FBXO30: variants seen among roughly 807,000 people sequenced by gnomAD.
FBXO30 encodes F-box protein 30.
In FBXO30, 21 loss-of-function variants were observed where a neutral mutation model predicts 58.1. The observed-to-expected ratio is 0.36, with a 90% CI of 0.26 to 0.52. FBXO30 has a LOEUF of 0.52. Among genes scored for constraint, FBXO30 ranks in the 20% least tolerant of loss-of-function variants. The probability of loss-of-function intolerance (pLI) is 0.93; values close to 1 mark genes in which losing one functional copy is unlikely to be tolerated. For missense variants in FBXO30, 744 were observed against 897.3 expected, an observed-to-expected ratio of 0.83 and a Z score of 2.18; for synonymous variants, 309 against 312.4, an observed-to-expected ratio of 0.99 and a Z score of 0.11.
chr6:145,805,115 G>A lies in FBXO30; in HGVS notation c.1291C>T (p.Leu431Phe). ...QGIDLITAAL[L>F]FCLGDSPGGR... is the part of the protein sequence containing the mutation. ...CCTGGAGAATCTCCTAGACAAAAAA[G>A]CAATGCTGCTGTGATCAGATCTATT... is the stretch of plus-strand genomic sequence containing the variant. Residue 431 changes from leucine to phenylalanine, a missense_variant, in exon 2 of 3, where the codon CTT becomes TTT. Around this residue, in one of 3 missense-constraint regions of FBXO30, gnomAD observed 334 missense variants for 433.7 expected, o/e 0.77. Transcript: ENST00000237281. The A allele has an allele frequency of 1.2e-6, 2 of 1,614,056 alleles. No individual in the cohort carries two copies. Among genetic ancestry groups the A allele is most frequent in the Non-Finnish European group, 1.7e-6 (2 of 1,179,948 alleles).
At chr6:145,813,618 C>G (rs6940256) in intron 1 of FBXO30, among the ~76,000 whole-genome samples, 11,650 of 152,192 alleles carry the variant, frequency 0.077, 1,521 homozygotes, top group African/African-American at 0.26. Flanking sequence ...TTCCATAGGT[C>G]TCTAAAGAAC....
rs1777859643 is a variant in FBXO30 at position 145,795,926 on chromosome 6, C to G, written c.*4180G>C. 1 of 151,866 alleles carries G rather than the reference C, an allele frequency of 6.6e-6. No individual in the cohort carries two copies. Among genetic ancestry groups the G allele is most frequent in the Non-Finnish European group, 1.5e-5 (1 of 67,820 alleles). The allele number at this position is 151,866 out of a possible 1,614,324, so 9.4% of individuals were successfully genotyped here. A position where few individuals can be genotyped will look rare whatever the true frequency, so the allele number is the denominator to read the frequency against. ...CATTTCGCAAAGATTTTCAGAGCAA[C>G]ATATCACACTTGGTTAGTTAGTTTC... On this transcript the variant is annotated 3_prime_UTR_variant, in exon 3 of 3. Coordinates refer to ENST00000237281, the MANE Select transcript of FBXO30 (RefSeq NM_032145.5).
At chr6:145,812,136 T>G (rs2128668482) in intron 1 of FBXO30, among the ~76,000 whole-genome samples, 1 of 152,330 alleles carries the variant, frequency 6.6e-6, no homozygotes, top group South Asian at 2.1e-4. Context: ...GTACATTCTT[T>G]TATTAAACTT....
chr6:145,804,922 G>A lies in FBXO30; in HGVS notation c.1484C>T (p.Pro495Leu), dbSNP rs766036145. Residue 495 changes from proline (P) to leucine (L), a missense_variant, in exon 2 of 3, where the codon CCG (proline) becomes CTG (leucine). By Grantham distance (98) the Pro-to-Leu change is moderately conservative. Coordinates refer to ENST00000237281, the MANE Select transcript of FBXO30 (RefSeq NM_032145.5). ...TAAATCCAGCCCAAGTGTCTGAAAC[G>A]GACTTGGATTTGAAAGCTGTGGATT... The part of the protein sequence containing the change: ...HANPQLSNPS[P>L]FQTLGLDLVL... The A allele has an allele frequency of 1.7e-5, 28 of 1,613,740 alleles. No homozygotes were observed. The highest frequency in any genetic ancestry group is 2.2e-5 in the South Asian group (2 of 91,076).
At chr6:145,810,591 A>T (rs1349763379) in intron 1 of FBXO30, among the ~76,000 whole-genome samples, 4 of 152,218 alleles carry the variant, frequency 2.6e-5, no homozygotes, top group African/African-American at 9.6e-5. Context: ...TTTCTCTGAG[A>T]GAAGTTCTTT....
Position 145,806,255 on chromosome 6 carries a change from G to GAA in FBXO30, c.150_151insTT (p.Leu51PhefsTer12), listed in dbSNP as rs1562245946. On this transcript the variant is annotated frameshift_variant, in exon 2 of 3. Transcript: ENST00000237281. LOFTEE classifies it high-confidence loss of function. ...GGCACTCGTTCAAATGGACATAAAA[G>GAA]TCGATGCTCATCAGCTTTACAAGAA... 1 of 1,613,928 alleles carries GAA rather than the reference G, an allele frequency of 6.2e-7. No homozygotes were observed. The highest frequency in any genetic ancestry group is 1.3e-5 in the African/African-American group (1 of 74,884).
chr6:145,800,112 T>C lies in FBXO30; in HGVS notation c.2232A>G (p.Val744=). ...GCTAGTAATATTACAACTTTTAAAG[T>C]ACAGGTTTTAAAACTGAGCGTAGTG... ...GRSLRSVLKP[V]L is the part of the protein sequence containing the mutation. Residue 744 remains valine, a synonymous_variant, in exon 3 of 3, where the codon GTA becomes GTG. Transcript: ENST00000237281. 6.2e-7 allele frequency: 1 copy of C among 1,611,212 alleles called. No homozygotes were observed. Among genetic ancestry groups the C allele is most frequent in the Non-Finnish European group, 8.5e-7 (1 of 1,177,816 alleles).
intron 1 of FBXO30, among the ~76,000 whole-genome samples, chr6:145,812,953 C>G (rs1015872437): frequency 1.3e-5 from 2 of 152,092 alleles, no homozygotes; most frequent in Admixed American, 1.3e-4. Flanking sequence ...TGTACTAACT[C>G]CTTCTATCAA....
rs1777913716 is a variant in FBXO30 at position 145,798,642 on chromosome 6, GCT to G, written c.*1462_*1463del. ...GCAAAACAATTGATTAGTCTTTAATGCTCTGTTTTTCAACTGTACTAAGGACT... is the reference window on the plus strand; with the variant it reads ...GCAAAACAATTGATTAGTCTTTAATGCTGTTTTTCAACTGTACTAAGGACT... On this transcript the variant is annotated 3_prime_UTR_variant, in exon 3 of 3. Transcript: ENST00000237281. 2 of 152,410 alleles carry G rather than the reference GCT, an allele frequency of 1.3e-5. No individual in the cohort carries two copies. The highest frequency in any genetic ancestry group is 2.9e-5 in the Non-Finnish European group (2 of 67,954). The allele number at this position is 152,410 out of a possible 1,614,324, so 9.4% of individuals were successfully genotyped here. A position where few individuals can be genotyped will look rare whatever the true frequency, so the allele number is the denominator to read the frequency against.
intron 1 of FBXO30, among the ~76,000 whole-genome samples, chr6:145,812,820 C>T (rs556297555): frequency 6.6e-6 from 1 of 152,248 alleles, no homozygotes; most frequent in South Asian, 2.1e-4. Context: ...AATATAGAAG[C>T]AACTTGTCTA....
Position 145,805,705 on chromosome 6 carries a change from T to C in FBXO30, c.701A>G (p.Lys234Arg), listed in dbSNP as rs1778145637. ...CTCCTCATAAAGATGATCTTGGTCT[T>C]TCAAGTTTTGATCCTCTAAGCTTTC... is the stretch of plus-strand genomic sequence containing the variant. ...ARESLEDQNL[K>R]DQDHLYEEEI... The change falls in exon 2 of 3, where the codon AAA (lysine) becomes AGA (arginine). Residue 234 changes from lysine (K) to arginine (R), a missense_variant. Around this residue, in one of 3 missense-constraint regions of FBXO30, gnomAD observed 275 missense variants for 262.0 expected, o/e 1.05. Coordinates refer to ENST00000237281, the MANE Select transcript of FBXO30 (RefSeq NM_032145.5). 2 of 1,613,976 alleles carry C rather than the reference T, an allele frequency of 1.2e-6. No individual in the cohort carries two copies. The highest frequency in any genetic ancestry group is 1.1e-5 in the South Asian group (1 of 91,082).
At position 145,795,864 on chromosome 6, in the gene FBXO30, T is replaced by G. The variant is rs990263582; in HGVS notation, c.*4242A>C. On this transcript the variant is annotated 3_prime_UTR_variant, in exon 3 of 3. Coordinates refer to ENST00000237281, the MANE Select transcript of FBXO30 (RefSeq NM_032145.5). ...TTATTTAAAAAAGTTTAATCATAGA[T>G]GCAATAACCTACTTGTAAAATTCAG... 6.6e-6 allele frequency: 1 copy of G among 151,888 alleles called. No homozygotes were observed. Among genetic ancestry groups the G allele is most frequent in the African/African-American group, 2.4e-5 (1 of 41,418 alleles). The allele number at this position is 151,888 out of a possible 1,614,324, so 9.4% of individuals were successfully genotyped here.
rs149457605 is a variant in FBXO30, at chr6:145,804,441, G to A, written c.1965C>T (p.Gly655=). 1 of 1,613,630 alleles carries A rather than the reference G, an allele frequency of 6.2e-7. No homozygotes were observed. The highest frequency in any genetic ancestry group is 1.1e-5 in the South Asian group (1 of 91,070). ...DVCGSLLQSR[G]MVILQWGKRK... is the part of the protein sequence containing the mutation. ...TTTTCCCCCACTGCAGTATGACCAT[G>A]CCACGAGACTGAAGCAGGCTGCCAC... is the stretch of plus-strand genomic sequence containing the variant. The change falls in exon 2 of 3, where the codon GGC becomes GGT. Residue 655 remains glycine, a synonymous_variant. Coordinates refer to ENST00000237281, the MANE Select transcript of FBXO30 (RefSeq NM_032145.5).
In FBXO30 at chr6:145,799,634, A is replaced by G. The variant is rs1777937095; in HGVS notation, c.*472T>C. The G allele has an allele frequency of 6.5e-6, 1 of 153,134 alleles. No homozygotes were observed. The allele number at this position is 153,134 out of a possible 1,614,324, so 9.5% of individuals were successfully genotyped here. ...ATTAACAATTGTATAGGGAAGCACT[A>G]AAAGACAAAAACATTATAATGATAT... On this transcript the variant is annotated 3_prime_UTR_variant, in exon 3 of 3. Transcript: ENST00000237281.
At chr6:145,813,342 G>A (rs891264975) in intron 1 of FBXO30, among the ~76,000 whole-genome samples, 1 of 149,920 alleles carries the variant, frequency 6.7e-6, no homozygotes, top group Admixed American at 6.6e-5. Flanking sequence ...AAAAAGTTAC[G>A]TCACGGCATT....
At position 145,800,022 on chromosome 6, in the gene FBXO30, T is replaced by C; in HGVS notation, c.*84A>G. The C allele has an allele frequency of 1.0e-6, 1 of 966,244 alleles. No homozygotes were observed. Among genetic ancestry groups the C allele is most frequent in the East Asian group, 2.6e-5 (1 of 38,902 alleles). The allele number at this position is 966,244 out of a possible 1,614,324, so 59.9% of individuals were successfully genotyped here. ...TGACAATAAATTTAGCTAGTTGTAA[T>C]ATTTAATACATTAATAAAGTTTCAC... On this transcript the variant is annotated 3_prime_UTR_variant, in exon 3 of 3. Coordinates refer to ENST00000237281, the MANE Select transcript of FBXO30 (RefSeq NM_032145.5).
intron 1 of FBXO30, chr6:145,809,807 C>T (rs1778285193): frequency 6.6e-6 from 1 of 152,232 alleles, no homozygotes; most frequent in South Asian, 2.1e-4. Flanking sequence ...AGCAAGTGAT[C>T]TGCCCAAGGT....
At position 145,799,189 on chromosome 6, in the gene FBXO30, TAAAAC is replaced by T. The variant is rs1359923303; in HGVS notation, c.*912_*916del. 17 of 152,400 alleles carry T rather than the reference TAAAAC, an allele frequency of 1.1e-4. No individual in the cohort carries two copies. The East Asian group carries it at 2.5e-3, about 22-fold the overall frequency. 9.4% of individuals were successfully genotyped at this position (152,400 alleles called of 1,614,324 possible). A position where few individuals can be genotyped will look rare whatever the true frequency, so the allele number is the denominator to read the frequency against. Reference sequence around the variant, plus strand: ...ACAAATTTCACGTTTTTAAATGTCTTAAAACAACATAGTTGTAATGTTTATAAACA... The same window carrying T: ...ACAAATTTCACGTTTTTAAATGTCTTAACATAGTTGTAATGTTTATAAACA... On this transcript the variant is annotated 3_prime_UTR_variant, in exon 3 of 3. Coordinates refer to ENST00000237281, the MANE Select transcript of FBXO30 (RefSeq NM_032145.5).
intron 2 of FBXO30, among the ~76,000 whole-genome samples, chr6:145,801,414 C>CGT (rs370493172): frequency 1.1e-3 from 160 of 150,994 alleles, no homozygotes; most frequent in South Asian, 1.9e-3. Flanking sequence ...TGTATGTGTG[C>CGT]GTGTGTGTGT....
Sources: gnomAD v4.1 joint callset for allele counts (sites outside exome capture counted in the v4.1 genomes callset) on GRCh38, gnomAD v4.1.1 for gene constraint, gnomAD v4.1.1 regional missense constraint, MANE v1.5 for transcripts, NCBI Gene and HGNC (gene_info 2026-07-23, HGNC 2026-07-21) for gene names.